Variants in NF1 observed in about 807,000 individuals in gnomAD.
The protein encoded by NF1 is neurofibromin 1, also known as neurofibromin.
A neutral mutation model predicts 325.7 loss-of-function variants in NF1; 122 were observed. The observed-to-expected ratio is 0.37, with a 90% CI of 0.32 to 0.44. The LOEUF (loss-of-function observed/expected upper bound fraction) is 0.44. Among genes scored for constraint, NF1 ranks in the 20% least tolerant of loss-of-function variants. NF1 has a pLI of 1.00. For synonymous variants in NF1, 1,091 were observed against 1,186.0 expected (o/e 0.92, Z 1.65); for missense variants, 2,140 against 3,415.4 (o/e 0.63, Z 9.31).
chr17:31,256,604 G>T (rs1282848730), intron 31 of NF1, among the ~76,000 whole-genome samples: 1 of 152,120 alleles, frequency 6.6e-6, no homozygotes, highest in Non-Finnish European at 1.5e-5. Context: ...TCCCCAGAAG[G>T]TTCAACACCG....
At chr17:31,161,603 G>A (rs77763597) in intron 3 of NF1, among the ~76,000 whole-genome samples, 1 of 152,178 alleles carries the variant, frequency 6.6e-6, no homozygotes, top group Non-Finnish European at 1.5e-5. Flanking sequence ...TGTTAACACC[G>A]AAGTTATCAA....
chr17:31,124,277 C>CT (rs1914678262), intron 1 of NF1, among the ~76,000 whole-genome samples: 1 of 151,736 alleles, frequency 6.6e-6, no homozygotes, highest in Non-Finnish European at 1.5e-5. Context: ...GTTGCCTAGG[C>CT]TGATCTCAAA....
chr17:31,320,390 G>T, intron 36 of NF1: 2 of 1,608,394 alleles, frequency 1.2e-6, no homozygotes, highest in Non-Finnish European at 8.5e-7. Context: ...GTATAGGTAG[G>T]GCCTGAAAGT....
chr17:31,139,095 TAGAGTGCGG>T (rs1207761074), intron 1 of NF1, among the ~76,000 whole-genome samples: 1 of 152,102 alleles, frequency 6.6e-6, no homozygotes, highest in African/African-American at 2.4e-5. Context: ...TCGCCCAAGC[TAGAGTGCGG>T]TGGCATGATC....
chr17:31,285,618 C>T (rs1404185797), intron 36 of NF1, among the ~76,000 whole-genome samples: 2 of 152,238 alleles, frequency 1.3e-5, no homozygotes, highest in Non-Finnish European at 2.9e-5. Flanking sequence ...GAGGCCAAGG[C>T]AGGTAGATTG....
chr17:31,192,176 C>T (rs1290580986), intron 8 of NF1, among the ~76,000 whole-genome samples: 1 of 152,020 alleles, frequency 6.6e-6, no homozygotes, highest in East Asian at 1.9e-4. Flanking sequence ...ATATATGTGT[C>T]CACGAAAAGA....
intron 50 of NF1, among the ~76,000 whole-genome samples, chr17:31,351,860 GTT>G (rs74671521): frequency 1.4e-5 from 2 of 141,376 alleles, no homozygotes; most frequent in Admixed American, 7.1e-5. Context: ...ATTTTTTGGG[GTT>G]TTTTTTTTTT....
At chr17:31,173,236 C>T (rs2065961673) in intron 5 of NF1, among the ~76,000 whole-genome samples, 1 of 152,126 alleles carries the variant, frequency 6.6e-6, no homozygotes, top group African/African-American at 2.4e-5. Context: ...CGGTGAAACA[C>T]TGTCTCTACT....
chr17:31,228,273 C>T (rs1242400729), intron 20 of NF1, among the ~76,000 whole-genome samples: 1 of 152,174 alleles, frequency 6.6e-6, no homozygotes, highest in Non-Finnish European at 1.5e-5. Context: ...ATATTGCTCT[C>T]ATTATTAGGT....
intron 1 of NF1, among the ~76,000 whole-genome samples, chr17:31,102,357 TTATTA>T (rs1912418188): frequency 6.6e-6 from 1 of 152,164 alleles, no homozygotes; most frequent in South Asian, 2.1e-4. Flanking sequence ...CTTATTATTA[TTATTA>T]TTTTTTGTGT....
intron 57 of NF1, chr17:31,361,567 G>T (rs2070401614): frequency 6.6e-6 from 1 of 152,090 alleles, no homozygotes; most frequent in African/African-American, 2.4e-5. Flanking sequence ...AAAAATAAAA[G>T]AAACTTTAGT....
At chr17:31,203,892 C>T (rs1055510696) in intron 11 of NF1, among the ~76,000 whole-genome samples, 1 of 152,050 alleles carries the variant, frequency 6.6e-6, no homozygotes, top group African/African-American at 2.4e-5. Context: ...CATACTCATA[C>T]TCAGTTCATA....
chr17:31,339,744 G>A (rs2069770085), intron 46 of NF1, among the ~76,000 whole-genome samples: 1 of 152,188 alleles, frequency 6.6e-6, no homozygotes, highest in Non-Finnish European at 1.5e-5. Context: ...ACAGTGCTAA[G>A]TAAAGATTGC....
intron 36 of NF1, chr17:31,304,946 T>C: frequency 6.2e-7 from 1 of 1,614,118 alleles, no homozygotes; most frequent in African/African-American, 1.3e-5. Flanking sequence ...CAAAGTACAA[T>C]GATGATTATA....
At position 31,233,166 on chromosome 17, in the gene NF1, C is replaced by G. The variant is rs747780947; in HGVS notation, c.3661C>G (p.Leu1221Val). 1 of 1,614,156 alleles carries G rather than the reference C, an allele frequency of 6.2e-7. No individual in the cohort carries two copies. ...CACAATGATGGGTGATCAAGGAGAA[C>G]TCCCTATAGCGATGGCTCTGGCCAA... ...LVTMMGDQGE[L>V]PIAMALANVV... Residue 1221 changes from leucine to valine, a missense_variant, in exon 27 of 58, where the codon CTC (leucine) becomes GTC (valine). This residue lies in a region of NF1 where 336 missense variants were observed against 399.0 expected (regional missense o/e 0.84). Transcript: ENST00000358273.
intron 57 of NF1, chr17:31,361,030 T>C: frequency 3.6e-6 from 1 of 279,702 alleles, no homozygotes; most frequent in South Asian, 3.5e-5. Flanking sequence ...CTAGATATAC[T>C]AACATTGCCC....
chr17:31,108,399 G>A (rs1486083000), intron 1 of NF1, among the ~76,000 whole-genome samples: 2 of 148,762 alleles, frequency 1.3e-5, no homozygotes, highest in Non-Finnish European at 3.0e-5. Context: ...TCAGCCTCCC[G>A]AGTAGCTGAG....
At chr17:31,299,291 A>ATAAG (rs892955740) in intron 36 of NF1, among the ~76,000 whole-genome samples, 1 of 151,816 alleles carries the variant, frequency 6.6e-6, no homozygotes, top group African/African-American at 2.4e-5. Flanking sequence ...AAATAAATAA[A>ATAAG]TAAATAAAAG....
rs138690597 is a variant in NF1 at position 31,198,681 on chromosome 17, C to G, written c.889-1741C>G. ...ACAGGCTGGAGTGCAGTGACAAGAT[C>G]TTGGCTCACTGCAACCTCTGCCTCC... On this transcript the variant is annotated intron_variant, in intron 8 of 57. Coordinates refer to ENST00000358273, the MANE Select transcript of NF1 (RefSeq NM_001042492.3). Among the ~76,000 whole-genome samples, 1,065 of 152,128 alleles carry G rather than the reference C, an allele frequency of 7.0e-3. 10 individuals are homozygous for G. Among genetic ancestry groups the G allele is most frequent in the Middle Eastern group, 0.024 (7 of 294 alleles).
Sources: allele counts gnomAD v4.1 joint callset (sites outside exome capture counted in the v4.1 genomes callset), GRCh38; gene constraint gnomAD v4.1.1; regional missense constraint gnomAD v4.1.1; transcripts MANE v1.5; gene names NCBI Gene and HGNC (gene_info 2026-07-23, HGNC 2026-07-21).